ANK3: variants seen among roughly 807,000 people sequenced by gnomAD.
ANK3 encodes ankyrin-3.
A neutral mutation model predicts 370.9 loss-of-function variants in ANK3; 57 were observed. The observed-to-expected ratio is 0.15, with a 90% confidence interval of 0.12 to 0.19. ANK3 has a LOEUF of 0.19. ANK3 is among the 10% of genes least tolerant of loss of function. The pLI, the probability that ANK3 is intolerant of heterozygous loss-of-function variation, is 1.00. For synonymous variants in ANK3, 1,929 were observed against 1,946.3 expected, an observed-to-expected ratio of 0.99 and a Z score of 0.23; for missense variants, 4,439 against 5,302.1, an observed-to-expected ratio of 0.84 and a Z score of 5.06.
At chr10:60,169,364 G>GTTTGTTTT (rs397844967) in intron 21 of ANK3, among the ~76,000 whole-genome samples, 11 of 51,874 alleles carry the variant, frequency 2.1e-4, no homozygotes, top group African/African-American at 7.4e-4. Context: ...TTGTCTCATA[G>GTTTGTTTT]TTTTTTTTTT....
intron 1 of ANK3, among the ~76,000 whole-genome samples, chr10:60,352,666 C>A (rs1208118476): frequency 6.6e-6 from 1 of 152,164 alleles, no homozygotes; most frequent in African/African-American, 2.4e-5. Context: ...TCTTTCAACT[C>A]TTCCAACACA....
At chr10:60,156,306 T>A (rs911842377) in intron 23 of ANK3, among the ~76,000 whole-genome samples, 2 of 152,176 alleles carry the variant, frequency 1.3e-5, no homozygotes, top group African/African-American at 4.8e-5. Context: ...ACCTCCTGAT[T>A]CCATGCCTTT....
At chr10:60,250,417 T>A (rs1181304623) in intron 7 of ANK3, among the ~76,000 whole-genome samples, 1 of 152,174 alleles carries the variant, frequency 6.6e-6, no homozygotes, top group Non-Finnish European at 1.5e-5. Flanking sequence ...CAGGCTGGAG[T>A]GCAGTGGCAC....
intron 1 of ANK3, among the ~76,000 whole-genome samples, chr10:60,320,291 T>C (rs554731520): frequency 6.6e-6 from 1 of 152,306 alleles, no homozygotes; most frequent in South Asian, 2.1e-4. Flanking sequence ...TCTCTGGTCT[T>C]GTATTCAAAA....
At chr10:60,322,611 T>A (rs2048909091) in intron 1 of ANK3, among the ~76,000 whole-genome samples, 1 of 152,220 alleles carries the variant, frequency 6.6e-6, no homozygotes, top group African/African-American at 2.4e-5. Flanking sequence ...TCAACTTTTT[T>A]AAGCATCCGT....
At chr10:60,334,101 G>T (rs1423475754) in intron 1 of ANK3, among the ~76,000 whole-genome samples, 3 of 152,042 alleles carry the variant, frequency 2.0e-5, no homozygotes, top group African/African-American at 7.2e-5. Context: ...ATGGCAATTG[G>T]GTAATCTCTA....
At chr10:60,547,184 G>A (rs1454050519) in intron 2 of ANK3, among the ~76,000 whole-genome samples, 1 of 146,688 alleles carries the variant, frequency 6.8e-6, no homozygotes, top group African/African-American at 2.5e-5. Context: ...TCCACCTCCT[G>A]GGCTCAAACA....
At chr10:60,206,376 G>A (rs569144954) in intron 10 of ANK3, among the ~76,000 whole-genome samples, 1 of 152,304 alleles carries the variant, frequency 6.6e-6, no homozygotes, top group African/African-American at 2.4e-5. Context: ...GGGAGGCTGA[G>A]GCAGGAGAAT....
intron 2 of ANK3, among the ~76,000 whole-genome samples, chr10:60,400,097 T>G (rs2132900396): frequency 6.6e-6 from 1 of 151,766 alleles, no homozygotes; most frequent in African/African-American, 2.4e-5. Flanking sequence ...CTAAAGTCTG[T>G]ACTACACCAG....
chr10:60,398,085 C>T (rs574761698), intron 2 of ANK3, among the ~76,000 whole-genome samples: 2 of 152,234 alleles, frequency 1.3e-5, no homozygotes, highest in South Asian at 4.2e-4. Flanking sequence ...TCTATTGCAC[C>T]TAATGGACTC....
At chr10:60,138,859 C>A in intron 24 of ANK3, 105 bp downstream of exon 24, 9 of 1,452,440 alleles carry the variant, frequency 6.2e-6, no homozygotes, top group Non-Finnish European at 7.5e-6. Flanking sequence ...ACATCTTCAT[C>A]CAAAGAACAC....
intron 8 of ANK3, among the ~76,000 whole-genome samples, chr10:60,224,080 C>T (rs2132495163): frequency 6.8e-6 from 1 of 147,052 alleles, no homozygotes; most frequent in Admixed American, 6.8e-5. Flanking sequence ...TGTTGATCTC[C>T]AGTTGAAAAA....
chr10:60,076,657 A>AT (rs57624885), intron 36 of ANK3, among the ~76,000 whole-genome samples: 90,128 of 151,860 alleles, frequency 0.59, 27,077 homozygotes, highest in East Asian at 0.85. Context: ...TGAAGTTAAA[A>AT]AAAAACAACT....
intron 21 of ANK3, among the ~76,000 whole-genome samples, chr10:60,168,631 C>T (rs1244244027): frequency 6.6e-6 from 1 of 152,106 alleles, no homozygotes; most frequent in Admixed American, 6.6e-5. Context: ...TGGTGGTTTA[C>T]TGCACCTATG....
intron 1 of ANK3, among the ~76,000 whole-genome samples, chr10:60,692,124 C>T (rs764916032): frequency 1.7e-4 from 26 of 152,174 alleles, no homozygotes; most frequent in Non-Finnish European, 5.9e-5. Context: ...GAATTAAAAG[C>T]CAATGTGTGT....
chr10:60,556,403 T>G (rs1047038033), intron 2 of ANK3, among the ~76,000 whole-genome samples: 43 of 152,278 alleles, frequency 2.8e-4, no homozygotes, highest in African/African-American at 9.9e-4. Context: ...TCTTCTCAGT[T>G]TTGCCACTGT....
At chr10:60,387,418 A>G (rs948415115) in intron 1 of ANK3, among the ~76,000 whole-genome samples, 2 of 151,416 alleles carry the variant, frequency 1.3e-5, no homozygotes, top group South Asian at 4.3e-4. Context: ...GTGTTTTCAA[A>G]ATAATTCAGT....
intron 4 of ANK3, among the ~76,000 whole-genome samples, chr10:60,276,689 C>G (rs1239602745): frequency 6.6e-6 from 1 of 152,108 alleles, no homozygotes. Flanking sequence ...CATTGCCGAG[C>G]CAGTTTAAAA....
intron 2 of ANK3, among the ~76,000 whole-genome samples, chr10:60,611,726 T>C (rs1291142306): frequency 6.6e-6 from 1 of 151,564 alleles, no homozygotes; most frequent in Non-Finnish European, 1.5e-5. Context: ...TCGAATGCCC[T>C]GACAGCACAC....
Sources: allele counts gnomAD v4.1 joint callset (sites outside exome capture counted in the v4.1 genomes callset), GRCh38; gene constraint gnomAD v4.1.1; transcripts MANE v1.5; gene names NCBI Gene and HGNC (gene_info 2026-07-23, HGNC 2026-07-21).